GRID1: variants seen among roughly 807,000 people sequenced by gnomAD.
GRID1 encodes the protein glutamate ionotropic receptor delta type subunit 1, also known as glutamate receptor ionotropic, delta-1.
In GRID1, 28 loss-of-function variants were observed where a neutral mutation model predicts 98.0. That is an observed-to-expected ratio of 0.29 (90% CI 0.21 to 0.39). The LOEUF (loss-of-function observed/expected upper bound fraction) is 0.39. Ranked by LOEUF, GRID1 falls within the 10% of genes least tolerant of loss-of-function variation. The probability of loss-of-function intolerance (pLI) is 1.00; values close to 1 mark genes in which losing one functional copy is unlikely to be tolerated. For synonymous variants in GRID1, 553 were observed against 538.5 expected, an observed-to-expected ratio of 1.03 and a Z score of -0.37; for missense variants, 1,111 against 1,340.5, an observed-to-expected ratio of 0.83 and a Z score of 2.67.
At chr10:86,328,833 T>C (rs1168032751) in intron 2 of GRID1, among the ~76,000 whole-genome samples, 1 of 151,688 alleles carries the variant, frequency 6.6e-6, no homozygotes, top group Admixed American at 6.6e-5. Flanking sequence ...CTCCCAGGAC[T>C]TGGGGACTCT....
intron 3 of GRID1, among the ~76,000 whole-genome samples, chr10:86,179,080 T>C (rs1461509690): frequency 3.9e-5 from 6 of 151,970 alleles, no homozygotes; most frequent in Admixed American, 3.3e-4. Flanking sequence ...AGACCAAAGG[T>C]GTTTCCAGGC....
chr10:85,780,766 T>C (rs1213995404), intron 8 of GRID1, among the ~76,000 whole-genome samples: 1 of 152,206 alleles, frequency 6.6e-6, no homozygotes, highest in Admixed American at 6.5e-5. Flanking sequence ...TTCTGTAAAA[T>C]GGGGTCAATA....
intron 4 of GRID1, among the ~76,000 whole-genome samples, chr10:86,060,368 G>T (rs1239515860): frequency 6.6e-6 from 1 of 152,190 alleles, no homozygotes; most frequent in African/African-American, 2.4e-5. Context: ...ATAGGAACTA[G>T]CTACAGGGGC....
chr10:85,883,284 G>C (rs1465788358), intron 5 of GRID1, among the ~76,000 whole-genome samples: 1 of 151,704 alleles, frequency 6.6e-6, no homozygotes, highest in Non-Finnish European at 1.5e-5. Flanking sequence ...TTTCTATTTT[G>C]CTTTTTAAAT....
intron 3 of GRID1, among the ~76,000 whole-genome samples, chr10:86,189,421 A>G (rs1845770284): frequency 6.6e-6 from 1 of 151,708 alleles, no homozygotes; most frequent in Non-Finnish European, 1.5e-5. Context: ...CCTCATCACC[A>G]TCCCAGAAGT....
chr10:86,163,765 T>C (rs553361460), intron 3 of GRID1, among the ~76,000 whole-genome samples: 75 of 152,286 alleles, frequency 4.9e-4, no homozygotes, highest in African/African-American at 1.7e-3. Flanking sequence ...CCCCACTCGG[T>C]GGCAGGGATG....
chr10:86,261,049 C>G (rs1307488111), intron 2 of GRID1, among the ~76,000 whole-genome samples: 1 of 152,358 alleles, frequency 6.6e-6, no homozygotes, highest in African/African-American at 2.4e-5. Flanking sequence ...GCCTCTGTGC[C>G]CACTCCACAG....
intron 4 of GRID1, among the ~76,000 whole-genome samples, chr10:86,108,229 C>G (rs924057735): frequency 6.6e-6 from 1 of 152,164 alleles, no homozygotes; most frequent in African/African-American, 2.4e-5. Flanking sequence ...AGCCACACCC[C>G]CATCGCACAC....
chr10:85,739,449 G>A (rs566932691), intron 8 of GRID1, among the ~76,000 whole-genome samples: 2 of 152,186 alleles, frequency 1.3e-5, no homozygotes, highest in Middle Eastern at 3.4e-3. Context: ...GCCAGGCATT[G>A]TGTCATGCAC....
intron 3 of GRID1, among the ~76,000 whole-genome samples, chr10:86,183,367 T>TTTAC (rs1366982590): frequency 6.6e-6 from 1 of 151,966 alleles, no homozygotes; most frequent in Non-Finnish European, 1.5e-5. Flanking sequence ...TATTTATTTA[T>TTTAC]TTATTTATTG....
intron 13 of GRID1, among the ~76,000 whole-genome samples, chr10:85,626,086 G>A (rs1249083028): frequency 1.3e-5 from 2 of 152,232 alleles, no homozygotes; most frequent in African/African-American, 4.8e-5. Flanking sequence ...AGCACAGAAG[G>A]AAGACAGGTG....
intron 12 of GRID1, among the ~76,000 whole-genome samples, chr10:85,715,338 C>T (rs1263013294): frequency 6.6e-6 from 1 of 152,054 alleles, no homozygotes; most frequent in Non-Finnish European, 1.5e-5. Context: ...TTGGATGTGA[C>T]CCAAAAGCAC....
chr10:85,647,136 A>G, intron 13 of GRID1, 66 bp downstream of exon 13: 1 of 1,317,086 alleles, frequency 7.6e-7, no homozygotes. Flanking sequence ...GGTGTCTCCC[A>G]CCTGGGGGCT....
At chr10:86,123,555 C>T (rs1327891794) in intron 4 of GRID1, among the ~76,000 whole-genome samples, 2 of 152,200 alleles carry the variant, frequency 1.3e-5, no homozygotes, top group Non-Finnish European at 2.9e-5. Context: ...GCAAACAAAT[C>T]GCAGCCCTGG....
At chr10:85,625,636 C>G (rs973271156) in intron 13 of GRID1, among the ~76,000 whole-genome samples, 1 of 152,182 alleles carries the variant, frequency 6.6e-6, no homozygotes, top group Non-Finnish European at 1.5e-5. Flanking sequence ...CCTTAGCAAG[C>G]AGATTCCCTT....
rs191720169 is a variant in GRID1, at chr10:86,301,270, T to C, written c.235+62671A>G. On this transcript the variant is annotated intron_variant, in intron 2 of 15. Transcript: ENST00000327946. Reference sequence around the variant, plus strand: ...CTGGCAGACTCTAGCTCAGAGTGGCTTGTCGATTTTCTGCTTCAGGTTGCA... The same window carrying C: ...CTGGCAGACTCTAGCTCAGAGTGGCCTGTCGATTTTCTGCTTCAGGTTGCA... 8.5e-4 allele frequency among the ~76,000 whole-genome samples: 130 copies of C among 152,318 alleles called. 2 individuals carry two copies. The East Asian group carries it at 0.02, about 24-fold the overall frequency.
chr10:86,364,718 A>G (rs1484341610), intron 1 of GRID1, among the ~76,000 whole-genome samples: 1 of 152,154 alleles, frequency 6.6e-6, no homozygotes, highest in Non-Finnish European at 1.5e-5. Flanking sequence ...CCTACTCTCC[A>G]TCCTTCCCCA....
intron 4 of GRID1, among the ~76,000 whole-genome samples, chr10:85,934,134 T>C (rs1047162316): frequency 2.0e-5 from 3 of 151,960 alleles, no homozygotes; most frequent in African/African-American, 7.2e-5. Context: ...ATGCAGTCTG[T>C]GGATGGGCAA....
chr10:86,069,252 G>A (rs542863019), intron 4 of GRID1, among the ~76,000 whole-genome samples: 1 of 152,146 alleles, frequency 6.6e-6, no homozygotes, highest in Non-Finnish European at 1.5e-5. Flanking sequence ...AAGGGGAGGT[G>A]ATGTGAGCAG....
Sources: gnomAD v4.1 joint callset for allele counts (sites outside exome capture counted in the v4.1 genomes callset) on GRCh38, gnomAD v4.1.1 for gene constraint, MANE v1.5 for transcripts, NCBI Gene and HGNC (gene_info 2026-07-23, HGNC 2026-07-21) for gene names.